The following COL26A1 variants were observed in gnomAD, a reference collection of about 807,000 sequenced individuals.
COL26A1 encodes collagen type XXVI alpha 1 chain.
A neutral mutation model predicts 59.3 loss-of-function variants in COL26A1; 41 were observed. That is an observed-to-expected ratio of 0.69 (90% confidence interval 0.54 to 0.90). The LOEUF is 0.90. COL26A1 is among the 40% of genes least tolerant of loss of function. The probability of loss-of-function intolerance (pLI) is 0.00; values close to 1 mark genes in which losing one functional copy is unlikely to be tolerated. For synonymous variants in COL26A1, 266 were observed against 256.0 expected (o/e 1.04, Z -0.37); for missense variants, 612 against 602.3 (o/e 1.02, Z -0.17).
chr7:101,442,329 CTT>C (rs35025332), intron 2 of COL26A1, among the ~76,000 whole-genome samples: 165 of 139,308 alleles, frequency 1.2e-3, no homozygotes, highest in Middle Eastern at 3.8e-3. Flanking sequence ...CTAGGTCTTT[CTT>C]TTTTTTTTTT....
At chr7:101,404,021 G>C (rs185925671) in intron 1 of COL26A1, among the ~76,000 whole-genome samples, 134 of 152,270 alleles carry the variant, frequency 8.8e-4, no homozygotes, top group African/African-American at 3.0e-3. Flanking sequence ...TTGAACCAGG[G>C]AGGTGGATGT....
intron 8 of COL26A1, among the ~76,000 whole-genome samples, chr7:101,547,833 A>ATTCATTCATTCATTCG (rs1795773632): frequency 1.6e-5 from 1 of 61,842 alleles, no homozygotes; most frequent in Non-Finnish European, 3.7e-5. Flanking sequence ...TCATTCGTTT[A>ATTCATTCATTCATTCG]TTCATTCATT....
chr7:101,377,451 G>T (rs956683224), intron 1 of COL26A1, among the ~76,000 whole-genome samples: 1 of 152,032 alleles, frequency 6.6e-6, no homozygotes, highest in Non-Finnish European at 1.5e-5. Flanking sequence ...TGGAGCCAGG[G>T]TCTCACTCTG....
At chr7:101,511,132 A>G (rs527284793) in intron 3 of COL26A1, among the ~76,000 whole-genome samples, 3,235 of 150,692 alleles carry the variant, frequency 0.021, 116 homozygotes, top group African/African-American at 0.075. Flanking sequence ...TCGATCTCCT[A>G]GCCTCATGAT....
At chr7:101,434,620 G>C (rs925954859) in intron 2 of COL26A1, among the ~76,000 whole-genome samples, 2 of 151,782 alleles carry the variant, frequency 1.3e-5, no homozygotes, top group Middle Eastern at 3.2e-3. Flanking sequence ...GAGTGTGTTG[G>C]TGAGGAGAGA....
chr7:101,555,759 C>A (rs904343074), intron 11 of COL26A1, 28 bp from the exon 12 acceptor site: 15 of 1,585,058 alleles, frequency 9.5e-6, no homozygotes, highest in Middle Eastern at 1.8e-4. Flanking sequence ...ATGGCCGGCC[C>A]TGACCCTGCC....
intron 2 of COL26A1, among the ~76,000 whole-genome samples, chr7:101,443,867 C>CT (rs1793119852): frequency 2.3e-5 from 3 of 129,298 alleles, no homozygotes; most frequent in African/African-American, 2.7e-5. Context: ...TTTCCTTTTT[C>CT]TTTTCTTTTT....
At chr7:101,497,277 G>A (rs1794609909) in intron 3 of COL26A1, among the ~76,000 whole-genome samples, 1 of 151,840 alleles carries the variant, frequency 6.6e-6, no homozygotes. Context: ...AACATGACAT[G>A]TGACCCAGGG....
intron 1 of COL26A1, among the ~76,000 whole-genome samples, chr7:101,406,584 C>G (rs1026971138): frequency 1.3e-5 from 2 of 152,214 alleles, no homozygotes; most frequent in East Asian, 1.9e-4. Flanking sequence ...GGCTCAGCTT[C>G]CAGCTTCTGC....
intron 3 of COL26A1, among the ~76,000 whole-genome samples, chr7:101,489,809 T>C (rs1050973061): frequency 1.5e-3 from 4 of 2,648 alleles, no homozygotes; most frequent in African/African-American, 2.0e-3. Flanking sequence ...TTTCTTTCTT[T>C]CTTTCTTTCT....
chr7:101,387,546 CTTCTTTTTA>C (rs1476785471), intron 1 of COL26A1, among the ~76,000 whole-genome samples: 2 of 131,662 alleles, frequency 1.5e-5, no homozygotes, highest in African/African-American at 7.1e-5. Flanking sequence ...CTTTTATTTT[CTTCTTTTTA>C]TTTTTATTTT....
chr7:101,502,783 T>A (rs2130563424), intron 3 of COL26A1, among the ~76,000 whole-genome samples: 1 of 152,340 alleles, frequency 6.6e-6, no homozygotes, highest in Non-Finnish European at 1.5e-5. Context: ...CCCCCTCTTG[T>A]TGCCATGCTC....
chr7:101,447,542 C>T (rs919636198), intron 2 of COL26A1, 142 bp from the exon 3 acceptor site: 202 of 602,446 alleles, frequency 3.4e-4, no homozygotes, highest in Non-Finnish European at 5.1e-4. Flanking sequence ...CCAGTGAACA[C>T]GGACCCCGGC....
At chr7:101,514,385 C>T (rs565568455) in intron 3 of COL26A1, among the ~76,000 whole-genome samples, 72 of 152,144 alleles carry the variant, frequency 4.7e-4, no homozygotes, top group Middle Eastern at 3.4e-3. Flanking sequence ...TAAACCACAA[C>T]GAGATTCTGT....
In COL26A1 at chr7:101,420,063, G is replaced by T. The variant is rs761897378; in HGVS notation, c.245G>T (p.Ser82Ile). The T allele has an allele frequency of 1.2e-6, 2 of 1,613,042 alleles. No homozygotes were observed. Among genetic ancestry groups the T allele is most frequent in the Middle Eastern group, 1.7e-4 (1 of 6,048 alleles). The stretch of plus-strand genomic sequence containing the variant: ...ACGGTGGTCCAGCGCGTGTACCAGA[G>T]CTGCCGGTGGCCGGGGCCCTGCGCC... ...SETVVQRVYQ[S>I]CRWPGPCANL... Residue 82 changes from serine to isoleucine, a missense_variant, in exon 2 of 13, where the codon AGC becomes ATC. By Grantham distance (142) the Ser-to-Ile change is moderately radical. Coordinates refer to ENST00000313669, the MANE Select transcript of COL26A1 (RefSeq NM_001278563.3).
chr7:101,413,142 G>A (rs910985745), intron 1 of COL26A1, among the ~76,000 whole-genome samples: 10 of 152,202 alleles, frequency 6.6e-5, no homozygotes, highest in African/African-American at 2.4e-4. Flanking sequence ...AAAGTACTGT[G>A]CAAGCAAGCC....
At chr7:101,504,934 C>T (rs11771275) in intron 3 of COL26A1, among the ~76,000 whole-genome samples, 14,001 of 152,006 alleles carry the variant, frequency 0.092, 658 homozygotes, top group South Asian at 0.1. Flanking sequence ...CGGGCAGATC[C>T]CTTGAGGTCA....
Position 101,533,110 on chromosome 7 carries a change from C to T in COL26A1, c.414C>T (p.Asp138=). ...EECMNCTRLS[D]MSERLTTLEA... is the part of the protein sequence containing the mutation. Reference sequence around the variant, plus strand: ...GCATGAACTGCACCCGGCTCAGTGACATGAGTGAGCGACTGACCACACTGG... The same window carrying T: ...GCATGAACTGCACCCGGCTCAGTGATATGAGTGAGCGACTGACCACACTGG... The change falls in exon 4 of 13, where the codon GAC becomes GAT. Residue 138 remains aspartate (D), a synonymous_variant. Transcript: ENST00000313669. 1 of 1,608,148 alleles carries T rather than the reference C, an allele frequency of 6.2e-7. No individual in the cohort carries two copies. Among genetic ancestry groups the T allele is most frequent in the Non-Finnish European group, 8.5e-7 (1 of 1,178,096 alleles).
intron 3 of COL26A1, among the ~76,000 whole-genome samples, chr7:101,531,597 C>T (rs938962685): frequency 3.3e-5 from 5 of 152,088 alleles, no homozygotes; most frequent in African/African-American, 1.2e-4. Context: ...GAGAGGGGCC[C>T]TCTGCTAGGC....
Sources: allele counts gnomAD v4.1 joint callset (sites outside exome capture counted in the v4.1 genomes callset), GRCh38; gene constraint gnomAD v4.1.1; transcripts MANE v1.5; gene names NCBI Gene and HGNC (gene_info 2026-07-23, HGNC 2026-07-21).